Variants in DOCK3 observed in about 807,000 individuals in gnomAD.
DOCK3 encodes the protein dedicator of cytokinesis protein 3.
Under a neutral mutation model 265.6 loss-of-function variants are expected in DOCK3, and 60 were observed. The ratio of observed to expected loss-of-function variants is 0.23; its 90% CI spans 0.18 to 0.28. The LOEUF (loss-of-function observed/expected upper bound fraction) is 0.28. Ranked by LOEUF, DOCK3 falls within the 10% of genes least tolerant of loss-of-function variation. DOCK3 has a pLI of 1.00. For synonymous variants in DOCK3, 881 were observed against 938.0 expected, an observed-to-expected ratio of 0.94 and a Z score of 1.11; for missense variants, 1,981 against 2,594.3, an observed-to-expected ratio of 0.76 and a Z score of 5.14.
intron 5 of DOCK3, among the ~76,000 whole-genome samples, chr3:51,000,306 T>C (rs2078432151): frequency 6.6e-6 from 1 of 152,224 alleles, no homozygotes; most frequent in South Asian, 2.1e-4. Context: ...CAAAAGTGTC[T>C]TGTGGCAGCG....
rs527323525 is a variant in DOCK3, at chr3:51,044,761, C to T, written c.316-19687C>T. 1.1e-4 allele frequency among the ~76,000 whole-genome samples: 16 copies of T among 152,206 alleles called. No homozygotes were observed. In the South Asian group the frequency reaches 3.3e-3, roughly 32 times the overall value. On this transcript the variant is annotated intron_variant, in intron 5 of 52. Transcript: ENST00000266037. ...TCTCCATCAGCACTTGCTGTTTCAC[C>T]TTGCATTTTTATGTTGTGGAGATAC...
intron 2 of DOCK3, among the ~76,000 whole-genome samples, chr3:50,782,801 C>T (rs1371727618): frequency 4.0e-5 from 6 of 151,890 alleles, no homozygotes; most frequent in Non-Finnish European, 7.4e-5. Context: ...ACCCTTCCCC[C>T]CACCGAGTCC....
At chr3:51,298,611 G>C (rs116585892) in intron 27 of DOCK3, among the ~76,000 whole-genome samples, 49 of 152,058 alleles carry the variant, frequency 3.2e-4, no homozygotes, top group African/African-American at 1.2e-3. Context: ...TCCTCCCTGT[G>C]TCCATGTGAT....
intron 1 of DOCK3, among the ~76,000 whole-genome samples, chr3:50,688,147 C>G (rs2034964964): frequency 6.6e-6 from 1 of 152,166 alleles, no homozygotes; most frequent in Non-Finnish European, 1.5e-5. Context: ...AACTCTTCAC[C>G]AATAGTAAAG....
At chr3:51,048,269 C>A (rs1010065653) in intron 5 of DOCK3, among the ~76,000 whole-genome samples, 5 of 152,014 alleles carry the variant, frequency 3.3e-5, no homozygotes, top group African/African-American at 1.2e-4. Context: ...AGCCTCACAG[C>A]TTATATCATA....
chr3:51,296,435 TCAA>T (rs1205088550), intron 27 of DOCK3, among the ~76,000 whole-genome samples: 2 of 150,776 alleles, frequency 1.3e-5, no homozygotes, highest in Admixed American at 6.6e-5. Flanking sequence ...GATACATAGA[TCAA>T]CAAAACTGGA....
intron 32 of DOCK3, among the ~76,000 whole-genome samples, chr3:51,318,240 G>A (rs776710644): frequency 2.6e-5 from 4 of 152,052 alleles, no homozygotes; most frequent in Admixed American, 6.6e-5. Flanking sequence ...TTAACCGGGC[G>A]TGGTGGCAGG....
intron 5 of DOCK3, among the ~76,000 whole-genome samples, chr3:51,041,139 T>C (rs2080463763): frequency 7.7e-6 from 1 of 130,606 alleles, no homozygotes; most frequent in Non-Finnish European, 1.6e-5. Context: ...TCACTATCTA[T>C]GGCACCTACA....
chr3:51,224,209 T>A (rs1576458039), intron 14 of DOCK3, among the ~76,000 whole-genome samples: 2 of 152,258 alleles, frequency 1.3e-5, no homozygotes, highest in Admixed American at 6.5e-5. Flanking sequence ...GTTAATTGCT[T>A]GTCATGAACT....
chr3:51,277,557 ACTT>A, intron 25 of DOCK3, 48 bp from the exon 26 acceptor site: 1 of 1,491,662 alleles, frequency 6.7e-7, no homozygotes, highest in African/African-American at 1.4e-5. Context: ...TGCCAGCTGT[ACTT>A]CAGCCTGGCT....
chr3:50,971,967 T>C (rs957987881), intron 5 of DOCK3, among the ~76,000 whole-genome samples: 4 of 152,208 alleles, frequency 2.6e-5, no homozygotes, highest in African/African-American at 9.7e-5. Flanking sequence ...CAGGCAGGAA[T>C]ATGATCCACT....
intron 5 of DOCK3, among the ~76,000 whole-genome samples, chr3:51,026,240 T>G (rs575843160): frequency 6.6e-6 from 1 of 151,206 alleles, no homozygotes; most frequent in South Asian, 2.1e-4. Context: ...TGGTCATATG[T>G]TTTTTTTTGT....
rs28385356 is a variant in DOCK3, at chr3:51,281,307, C to G, written c.2922+1103C>G. Among the ~76,000 whole-genome samples, 502 of 127,154 alleles carry G rather than the reference C, an allele frequency of 3.9e-3. 4 individuals carry two copies. Among genetic ancestry groups the G allele is most frequent in the African/African-American group, 0.017 (479 of 28,580 alleles). 83.4% of individuals were successfully genotyped at this position (127,154 alleles called of 152,430 possible). On this transcript the variant is annotated intron_variant, in intron 27 of 52. Transcript: ENST00000266037. Reference sequence around the variant, plus strand: ...TATATATATATATATATATATATATCTCATAATATTTTAAGGAAGTTTACA... The same window carrying G: ...TATATATATATATATATATATATATGTCATAATATTTTAAGGAAGTTTACA...
chr3:50,690,528 A>G (rs896988693), intron 1 of DOCK3, among the ~76,000 whole-genome samples: 1 of 152,114 alleles, frequency 6.6e-6, no homozygotes, highest in Non-Finnish European at 1.5e-5. Flanking sequence ...TCGTCATCCC[A>G]TACTGAAATT....
intron 12 of DOCK3, among the ~76,000 whole-genome samples, chr3:51,202,240 G>T (rs2088836151): frequency 6.8e-6 from 1 of 147,034 alleles, no homozygotes; most frequent in African/African-American, 2.5e-5. Flanking sequence ...CTGGTTTTTT[G>T]AAAGAATCAA....
chr3:50,844,967 A>C (rs2046011675), intron 3 of DOCK3, among the ~76,000 whole-genome samples: 1 of 152,164 alleles, frequency 6.6e-6, no homozygotes, highest in East Asian at 1.9e-4. Context: ...TCTTGCCTAT[A>C]ATCCCAGCAC....
At chr3:50,826,461 C>G (rs1315721897) in intron 2 of DOCK3, among the ~76,000 whole-genome samples, 1 of 152,168 alleles carries the variant, frequency 6.6e-6, no homozygotes, top group Non-Finnish European at 1.5e-5. Flanking sequence ...CTTCACCCAT[C>G]TATTTGGAGC....
At chr3:51,025,011 G>A (rs2079754159) in intron 5 of DOCK3, among the ~76,000 whole-genome samples, 1 of 152,178 alleles carries the variant, frequency 6.6e-6, no homozygotes, top group African/African-American at 2.4e-5. Context: ...TTGGCCTCCA[G>A]CCAGGAGGTG....
At chr3:51,240,814 A>G (rs1040999228) in intron 21 of DOCK3, among the ~76,000 whole-genome samples, 3 of 152,164 alleles carry the variant, frequency 2.0e-5, no homozygotes, top group African/African-American at 4.8e-5. Flanking sequence ...TTTTGAGCCT[A>G]TCTGTGTCAC....
Sources: allele counts gnomAD v4.1 joint callset (sites outside exome capture counted in the v4.1 genomes callset), GRCh38; gene constraint gnomAD v4.1.1; transcripts MANE v1.5; gene names NCBI Gene and HGNC (gene_info 2026-07-23, HGNC 2026-07-21).